The following LOXHD1 variants were observed in gnomAD, a reference collection of about 807,000 sequenced individuals.
LOXHD1 encodes lipoxygenase homology PLAT domains 1, also known as lipoxygenase homology domain-containing protein 1.
In LOXHD1, 205 loss-of-function variants were observed where a neutral mutation model predicts 248.2. The ratio of observed to expected loss-of-function variants is 0.83; its 90% CI spans 0.74 to 0.93. The LOEUF (loss-of-function observed/expected upper bound fraction) is 0.93. Among genes scored for constraint, LOXHD1 ranks in the 40% least tolerant of loss-of-function variants. LOXHD1 has a pLI of 0.00. For synonymous variants in LOXHD1, 1,113 were observed against 1,162.8 expected (o/e 0.96, Z 0.87); for missense variants, 2,930 against 2,971.6 (o/e 0.99, Z 0.33).
chr18:46,524,640 A>C (rs2035738736), intron 30 of LOXHD1, 39 bp from the exon 31 acceptor site: 1 of 1,551,018 alleles, frequency 6.4e-7, no homozygotes, highest in African/African-American at 1.4e-5. Flanking sequence ...CAGCTCCAGC[A>C]CCTCCACCTC....
At chr18:46,648,696 C>G (rs79589020) in intron 2 of LOXHD1, among the ~76,000 whole-genome samples, 3 of 152,176 alleles carry the variant, frequency 2.0e-5, no homozygotes, top group Non-Finnish European at 4.4e-5. Flanking sequence ...GCAATCCCTG[C>G]GGCTAGCTGA....
intron 17 of LOXHD1, among the ~76,000 whole-genome samples, chr18:46,564,326 T>G (rs986548539): frequency 1.2e-4 from 18 of 151,994 alleles, no homozygotes; most frequent in African/African-American, 4.1e-4. Context: ...GAGTTCAAGA[T>G]CAGCCTGGGC....
chr18:46,600,786 C>T (rs2038324743), intron 8 of LOXHD1, among the ~76,000 whole-genome samples: 1 of 152,152 alleles, frequency 6.6e-6, no homozygotes, highest in South Asian at 2.1e-4. Flanking sequence ...ATTTCTCAAG[C>T]TGTGTGATAG....
chr18:46,538,907 C>T (rs1218094457), intron 25 of LOXHD1, among the ~76,000 whole-genome samples: 1 of 152,226 alleles, frequency 6.6e-6, no homozygotes, highest in East Asian at 1.9e-4. Context: ...AACCCATCCA[C>T]CTCACACCCA....
intron 21 of LOXHD1, among the ~76,000 whole-genome samples, chr18:46,554,597 A>C (rs1195183646): frequency 6.6e-6 from 1 of 152,112 alleles, no homozygotes; most frequent in Non-Finnish European, 1.5e-5. Flanking sequence ...TGCTACTTCA[A>C]TAGCAAAGGA....
rs755498405 is a variant in LOXHD1 at position 46,560,283 on chromosome 18, T to C, written c.2861A>G (p.Glu954Gly). Residue 954 changes from glutamate to glycine, a missense_variant, in exon 19 of 41, where the codon GAA (glutamate) becomes GGA (glycine). By Grantham distance (98) the Glu-to-Gly change is moderately conservative. Transcript: ENST00000642948. ...CTCCTCTGATGAGGACGACTCCTCTTCCTCCCCCTCGTCCTCTTCGTCGCT... is the reference window on the plus strand; with the variant it reads ...CTCCTCTGATGAGGACGACTCCTCTCCCTCCCCCTCGTCCTCTTCGTCGCT... ...KGSDEEDEGE[E>G]EESSSSEESS... 87 of 1,548,902 alleles carry C rather than the reference T, an allele frequency of 5.6e-5. No homozygotes were observed. Among genetic ancestry groups the C allele is most frequent in the Middle Eastern group, 5.0e-4 (3 of 6,018 alleles).
At chr18:46,589,380 C>G (rs552432512) in intron 12 of LOXHD1, among the ~76,000 whole-genome samples, 1 of 152,122 alleles carries the variant, frequency 6.6e-6, no homozygotes, top group Non-Finnish European at 1.5e-5. Flanking sequence ...AAGCAAGGAG[C>G]CCCCTGGCCC....
At chr18:46,589,544 C>T (rs777608850) in intron 12 of LOXHD1, among the ~76,000 whole-genome samples, 2 of 152,214 alleles carry the variant, frequency 1.3e-5, no homozygotes, top group Non-Finnish European at 2.9e-5. Context: ...ATACAAATTA[C>T]TTGGCATGCT....
intron 3 of LOXHD1, among the ~76,000 whole-genome samples, chr18:46,641,569 G>A (rs939744471): frequency 2.0e-5 from 3 of 152,160 alleles, no homozygotes; most frequent in Admixed American, 6.5e-5. Flanking sequence ...TATCACCGAT[G>A]AGGCACCATT....
At chr18:46,597,174 T>C (rs1203718643) in intron 8 of LOXHD1, among the ~76,000 whole-genome samples, 1 of 152,166 alleles carries the variant, frequency 6.6e-6, no homozygotes, top group Non-Finnish European at 1.5e-5. Flanking sequence ...CTAAGGTCCT[T>C]GCACTTGCCA....
intron 29 of LOXHD1, 77 bp from the exon 30 acceptor site, chr18:46,524,994 C>A: frequency 6.8e-7 from 1 of 1,477,144 alleles, no homozygotes; most frequent in Non-Finnish European, 9.2e-7. Context: ...CCTTCTGGGA[C>A]CTTCCTTCCC....
chr18:46,554,027 C>G (rs1191528991), intron 21 of LOXHD1, among the ~76,000 whole-genome samples: 1 of 152,148 alleles, frequency 6.6e-6, no homozygotes, highest in East Asian at 1.9e-4. Flanking sequence ...ACCAAACATG[C>G]TTTGGCTTTG....
At chr18:46,484,903 G>T in intron 39 of LOXHD1, 116 bp downstream of exon 39, 1 of 1,261,496 alleles carries the variant, frequency 7.9e-7, no homozygotes. Context: ...TGCTCAGTAA[G>T]TACTTGCTGG....
rs115710107 is a variant in LOXHD1 at position 46,631,531 on chromosome 18, G to A, written c.511+8085C>T. ...TGAGGCAGAGGAAGTGGGTAATGCC[G>A]TCCAGAGAGGCTGAGGCTTTCCATC... On this transcript the variant is annotated intron_variant, in intron 4 of 40. Transcript: ENST00000642948. 2.1e-3 allele frequency among the ~76,000 whole-genome samples: 313 copies of A among 152,278 alleles called. 2 individuals carry two copies. Among genetic ancestry groups the A allele is most frequent in the African/African-American group, 6.6e-3 (275 of 41,552 alleles).
intron 27 of LOXHD1, chr18:46,533,578 C>G: frequency 2.2e-6 from 1 of 457,560 alleles, no homozygotes; most frequent in Non-Finnish European, 3.9e-6. Flanking sequence ...GAACTCCATC[C>G]TGGAGACTCA....
At position 46,578,782 on chromosome 18, in the gene LOXHD1, G is replaced by C. The variant is rs139969366; in HGVS notation, c.1809+848C>G. Among the ~76,000 whole-genome samples, 24 of 152,350 alleles carry C rather than the reference G, an allele frequency of 1.6e-4. No homozygotes were observed. The East Asian group carries it at 4.2e-3, about 27-fold the overall frequency. ...CTGTACTCAGCATCCACTGTGTGCT[G>C]TGGGCCAGATCTGACCTCAGAGACG... On this transcript the variant is annotated intron_variant, in intron 13 of 40. Coordinates refer to ENST00000642948, the MANE Select transcript of LOXHD1 (RefSeq NM_001384474.1).
intron 29 of LOXHD1, among the ~76,000 whole-genome samples, chr18:46,527,824 T>C (rs972118236): frequency 3.3e-5 from 5 of 152,252 alleles, no homozygotes; most frequent in Non-Finnish European, 7.3e-5. Context: ...TGTCCTGTTT[T>C]TCAGCCCAGA....
In LOXHD1 at chr18:46,592,016, C is replaced by T. The variant is rs187658135; in HGVS notation, c.1571G>A (p.Arg524His). 3.4e-4 allele frequency: 521 copies of T among 1,552,202 alleles called. 1 individual carries two copies. The highest frequency in any genetic ancestry group is 1.5e-3 in the Middle Eastern group (9 of 5,996). ...GTCATCCTCATTGGCATCCAGCCAG[C>T]GGTTGCAATTGAAGTTGTACTTGTC... Reference protein sequence around the residue: ...NKDKYNFNCNRWLDANEDDNE... With the variant: ...NKDKYNFNCNHWLDANEDDNE... The change falls in exon 12 of 41, where the codon CGC (arginine) becomes CAC (histidine). Residue 524 changes from arginine (R) to histidine (H), a missense_variant. By Grantham distance (29) the Arg-to-His change is conservative (BLOSUM62 0). Coordinates refer to ENST00000642948, the MANE Select transcript of LOXHD1 (RefSeq NM_001384474.1).
chr18:46,625,695 T>A (rs925063358), intron 4 of LOXHD1, among the ~76,000 whole-genome samples: 1 of 152,174 alleles, frequency 6.6e-6, no homozygotes. Context: ...GTAAGTCTGA[T>A]ACTATCAGGT....
Sources: gnomAD v4.1 joint callset for allele counts (sites outside exome capture counted in the v4.1 genomes callset) on GRCh38, gnomAD v4.1.1 for gene constraint, MANE v1.5 for transcripts, NCBI Gene and HGNC (gene_info 2026-07-23, HGNC 2026-07-21) for gene names.